The following ELMO2 variants were observed in gnomAD, a reference collection of about 807,000 sequenced individuals.
The protein encoded by ELMO2 is engulfment and cell motility 2.
In ELMO2, 37 loss-of-function variants were observed where a neutral mutation model predicts 96.2. The observed-to-expected ratio is 0.38, with a 90% CI of 0.30 to 0.51. The LOEUF is 0.51. Among genes scored for constraint, ELMO2 ranks in the 20% least tolerant of loss-of-function variants. The pLI is 0.88. For missense variants in ELMO2, 561 were observed against 912.6 expected, an observed-to-expected ratio of 0.61 and a Z score of 4.96; for synonymous variants, 315 against 329.4, an observed-to-expected ratio of 0.96 and a Z score of 0.47.
chr20:46,376,849 C>A, intron 11 of ELMO2: 1 of 1,233,080 alleles, frequency 8.1e-7, no homozygotes. Flanking sequence ...CAGCCACTAG[C>A]CATATGCAGC....
chr20:46,390,229 C>T (rs566328879), intron 6 of ELMO2, among the ~76,000 whole-genome samples: 1 of 152,254 alleles, frequency 6.6e-6, no homozygotes, highest in East Asian at 1.9e-4. Context: ...AGGTATTAAG[C>T]TCCCTGTCAG....
At chr20:46,380,200 C>A in intron 11 of ELMO2, 53 bp downstream of exon 11, 3 of 1,374,910 alleles carry the variant, frequency 2.2e-6, no homozygotes, top group Non-Finnish European at 3.1e-6. Flanking sequence ...TTAACAATAA[C>A]AGTAATAATT....
rs555210355 is a variant in ELMO2 at position 46,387,198 on chromosome 20, A to G, written c.525+140T>C. 1.4e-5 allele frequency: 9 copies of G among 661,460 alleles called. No homozygotes were observed. In the South Asian group the frequency reaches 1.4e-4, roughly 11 times the overall value. 41.0% of individuals were successfully genotyped at this position (661,460 alleles called of 1,614,324 possible). ...AATCTTTCAGAAGCCACAGAAGACT[A>G]GAGCTTGAGGATGAAAAATCTGGCC... On this transcript the variant is annotated intron_variant, in intron 8 of 21. Transcript: ENST00000290246.
At chr20:46,387,729 G>A in intron 7 of ELMO2, 1 of 286,742 alleles carries the variant, frequency 3.5e-6, no homozygotes. Flanking sequence ...TATTTCCCAA[G>A]ACCAAAGAAG....
At chr20:46,394,134 C>T (rs368477198) in intron 3 of ELMO2, 45 bp from the exon 4 acceptor site, 12 of 1,554,694 alleles carry the variant, frequency 7.7e-6, no homozygotes, top group African/African-American at 1.4e-5. Context: ...CAACATCCTA[C>T]TCATGCCAAG....
chr20:46,398,215 G>A (rs2060278951), intron 2 of ELMO2, among the ~76,000 whole-genome samples: 1 of 152,096 alleles, frequency 6.6e-6, no homozygotes, highest in Non-Finnish European at 1.5e-5. Flanking sequence ...TTACCCACTA[G>A]ATAAGTCTGA....
intron 9 of ELMO2, among the ~76,000 whole-genome samples, chr20:46,385,192 T>C (rs1162451604): frequency 6.6e-6 from 1 of 152,096 alleles, no homozygotes; most frequent in Non-Finnish European, 1.5e-5. Flanking sequence ...AAAACAGAAG[T>C]GAACAACAGT....
At chr20:46,396,458 T>C (rs2060246114) in intron 2 of ELMO2, among the ~76,000 whole-genome samples, 1 of 152,198 alleles carries the variant, frequency 6.6e-6, no homozygotes, top group South Asian at 2.1e-4. Flanking sequence ...TGCATCTCCC[T>C]GTAACCAGCA....
At chr20:46,386,345 G>A (rs1165633011) in intron 8 of ELMO2, 70 bp from the exon 9 acceptor site, 1 of 1,577,804 alleles carries the variant, frequency 6.3e-7, no homozygotes, top group Non-Finnish European at 8.6e-7. Flanking sequence ...AGCATCTGAT[G>A]CTAGCCCTTG....
chr20:46,371,781 C>G lies in ELMO2; in HGVS notation c.1580+25G>C, dbSNP rs766811805. The G allele has an allele frequency of 6.2e-7, 1 of 1,613,964 alleles. No individual in the cohort carries two copies. Among genetic ancestry groups the G allele is most frequent in the Admixed American group, 1.7e-5 (1 of 60,026 alleles). On this transcript the variant is annotated intron_variant, in intron 17 of 21. Coordinates refer to ENST00000290246, the MANE Select transcript of ELMO2 (RefSeq NM_133171.5). This position sits in a 1 kb window ranked among gnomAD's most constrained non-coding sequence, Gnocchi z 5.9. ...CAGAGCTGGCAGCCACCTCCCCCGC[C>G]AGCCTCCCCTGAGATGGAACTTACA...
At chr20:46,399,623 C>T (rs962551872) in intron 1 of ELMO2, among the ~76,000 whole-genome samples, 3 of 152,220 alleles carry the variant, frequency 2.0e-5, no homozygotes, top group African/African-American at 7.2e-5. Flanking sequence ...CATATTTACA[C>T]ATCTCCACTA....
At chr20:46,394,955 T>A (rs2060218863) in intron 2 of ELMO2, among the ~76,000 whole-genome samples, 1 of 152,262 alleles carries the variant, frequency 6.6e-6, no homozygotes, top group Non-Finnish European at 1.5e-5. Context: ...TCTGCAGTCA[T>A]CCTAGGAAGA....
intron 10 of ELMO2, chr20:46,382,385 C>T (rs1288318545): frequency 2.9e-6 from 2 of 680,090 alleles, no homozygotes; most frequent in Non-Finnish European, 4.5e-6. Context: ...TGCTTCTGGT[C>T]TTCCCTCTAG....
chr20:46,394,136 C>A, intron 3 of ELMO2, 47 bp from the exon 4 acceptor site: 1 of 1,547,708 alleles, frequency 6.5e-7, no homozygotes, highest in Non-Finnish European at 8.9e-7. Flanking sequence ...ACATCCTACT[C>A]ATGCCAAGGT....
intron 16 of ELMO2, 134 bp from the exon 17 acceptor site, chr20:46,372,103 T>C: frequency 9.8e-7 from 1 of 1,018,256 alleles, no homozygotes; most frequent in South Asian, 1.6e-5. Flanking sequence ...GCTGGGTGAG[T>C]AAGGTATACC....
chr20:46,383,600 G>T, intron 9 of ELMO2, 106 bp from the exon 10 acceptor site: 1 of 1,092,222 alleles, frequency 9.2e-7, no homozygotes, highest in Admixed American at 1.8e-5. Flanking sequence ...AGCAAATAAT[G>T]ATCTGGAGCT....
intron 6 of ELMO2, among the ~76,000 whole-genome samples, chr20:46,391,923 C>T (rs535600473): frequency 3.9e-5 from 6 of 152,308 alleles, no homozygotes; most frequent in East Asian, 1.9e-4. Flanking sequence ...ACGTCCCCTT[C>T]GCATTATCAC....
intron 1 of ELMO2, among the ~76,000 whole-genome samples, chr20:46,399,614 A>G (rs1457774364): frequency 6.6e-6 from 1 of 152,150 alleles, no homozygotes; most frequent in Non-Finnish European, 1.5e-5. Context: ...TTACAGTTAC[A>G]TATTTACACA....
chr20:46,368,773 C>A, intron 21 of ELMO2, 118 bp downstream of exon 21: 1 of 1,042,716 alleles, frequency 9.6e-7, no homozygotes, highest in South Asian at 1.4e-5. Flanking sequence ...CCTTCCTAGG[C>A]TTCAATATAC....
Sources: allele counts gnomAD v4.1 joint callset (sites outside exome capture counted in the v4.1 genomes callset), GRCh38; gene constraint gnomAD v4.1.1; non-coding constraint Gnocchi (gnomAD v3.1); transcripts MANE v1.5; gene names NCBI Gene and HGNC (gene_info 2026-07-23, HGNC 2026-07-21).